Variants in APAF1 observed in about 807,000 individuals in gnomAD.
APAF1 encodes the protein apoptotic protease-activating factor 1.
A neutral mutation model predicts 152.4 loss-of-function variants in APAF1; 91 were observed. The observed-to-expected ratio is 0.60, with a 90% CI of 0.50 to 0.71. APAF1 has a LOEUF of 0.71. APAF1 is among the 30% of genes least tolerant of loss of function. APAF1 has a pLI of 0.00. For missense variants in APAF1, 1,283 were observed against 1,472.0 expected (o/e 0.87, Z 2.10); for synonymous variants, 484 against 494.1 (o/e 0.98, Z 0.27).
rs187065429 is a variant in APAF1, at chr12:98,717,115, G to A, written c.3084+1563G>A. Among the ~76,000 whole-genome samples the A allele has an allele frequency of 6.0e-3, 915 of 151,844 alleles. 29 individuals carry two copies. Among genetic ancestry groups the A allele is most frequent in the Admixed American group, 0.044 (668 of 15,252 alleles). On this transcript the variant is annotated intron_variant, in intron 22 of 26. Transcript: ENST00000551964. The stretch of plus-strand genomic sequence containing the variant: ...GAACTCCTGACCTTGTGATCCGCCC[G>A]CCTCGGCCTCCCAAAGTGCTGGGAT...
intron 16 of APAF1, among the ~76,000 whole-genome samples, chr12:98,694,492 A>G (rs1027348177): frequency 1.3e-5 from 2 of 151,786 alleles, no homozygotes; most frequent in Admixed American, 6.6e-5. Flanking sequence ...CATTTGCCCT[A>G]CTTTTTGAAA....
chr12:98,722,271 T>A (rs895500780), intron 22 of APAF1, among the ~76,000 whole-genome samples: 3 of 152,220 alleles, frequency 2.0e-5, no homozygotes, highest in Non-Finnish European at 4.4e-5. Context: ...TTTTTTTGAG[T>A]TTCACAGAAC....
intron 22 of APAF1, among the ~76,000 whole-genome samples, chr12:98,716,327 A>G (rs767557034): frequency 6.6e-6 from 1 of 152,148 alleles, no homozygotes; most frequent in African/African-American, 2.4e-5. Context: ...GTTCACAGAC[A>G]CTCATTTATC....
intron 16 of APAF1, among the ~76,000 whole-genome samples, chr12:98,690,432 C>G (rs1269522704): frequency 6.6e-6 from 1 of 152,106 alleles, no homozygotes; most frequent in Admixed American, 6.5e-5. Flanking sequence ...TTTAGGCAGC[C>G]CTCCTTTCAT....
intron 16 of APAF1, among the ~76,000 whole-genome samples, chr12:98,695,356 C>A (rs1038934785): frequency 1.3e-5 from 2 of 149,836 alleles, no homozygotes; most frequent in African/African-American, 5.0e-5. Context: ...CAATGCCGCC[C>A]CCCCCCTTTT....
At chr12:98,720,946 G>A (rs896563126) in intron 22 of APAF1, among the ~76,000 whole-genome samples, 8 of 151,242 alleles carry the variant, frequency 5.3e-5, no homozygotes, top group East Asian at 1.9e-4. Flanking sequence ...CAGCCTGGGC[G>A]ACAGAGCAAG....
intron 15 of APAF1, among the ~76,000 whole-genome samples, chr12:98,685,704 T>G (rs974151573): frequency 2.0e-5 from 3 of 152,078 alleles, no homozygotes; most frequent in African/African-American, 7.2e-5. Context: ...GGAGCGATCT[T>G]GGCTCATTGC....
In APAF1 at chr12:98,704,152, T is replaced by TGG. The variant is rs3214600; in HGVS notation, c.2595+657_2595+658dup. Among the ~76,000 whole-genome samples the TGG allele has an allele frequency of 6.5e-4, 99 of 151,744 alleles. No homozygotes were observed. In the South Asian group the frequency reaches 0.02, roughly 31 times the overall value. On this transcript the variant is annotated intron_variant, in intron 18 of 26. Coordinates refer to ENST00000551964, the MANE Select transcript of APAF1 (RefSeq NM_181861.2). ...TTTTTTTTTTGTTTTTTAATAGAAA[T>TGG]GGGGGTCTCACTGTGTTGCCCAGGC...
chr12:98,708,781 T>C, intron 20 of APAF1, 77 bp downstream of exon 20: 2 of 1,466,644 alleles, frequency 1.4e-6, no homozygotes. Flanking sequence ...GTTTTTGGAC[T>C]TGAGATTAAG....
At chr12:98,669,711 A>G (rs1374870487) in intron 10 of APAF1, among the ~76,000 whole-genome samples, 3 of 152,154 alleles carry the variant, frequency 2.0e-5, no homozygotes, top group Non-Finnish European at 4.4e-5. Context: ...ATACTTTTTT[A>G]TAAGTGGAAT....
chr12:98,684,507 C>A (rs1353462376), intron 15 of APAF1, among the ~76,000 whole-genome samples: 1 of 147,410 alleles, frequency 6.8e-6, no homozygotes, highest in Non-Finnish European at 1.5e-5. Context: ...CTCCTCCCCC[C>A]ACCCCCCCTC....
At chr12:98,727,715 C>G (rs1171091891) in intron 26 of APAF1, among the ~76,000 whole-genome samples, 1 of 151,932 alleles carries the variant, frequency 6.6e-6, no homozygotes, top group South Asian at 2.1e-4. Context: ...CCAAGGTGGG[C>G]GGATCACCTG....
chr12:98,713,274 C>T (rs890909228), intron 21 of APAF1, among the ~76,000 whole-genome samples: 1 of 152,150 alleles, frequency 6.6e-6, no homozygotes, highest in African/African-American at 2.4e-5. Flanking sequence ...TTATTCTCTA[C>T]TTAGTTGTTT....
rs1355633438 is a variant in APAF1 at position 98,725,388 on chromosome 12, T to C, written c.3331-27T>C. On this transcript the variant is annotated intron_variant, in intron 24 of 26. Coordinates refer to ENST00000551964, the MANE Select transcript of APAF1 (RefSeq NM_181861.2). ...TGCTTATTTTGAGTGTTTATAGCAT[T>C]GCTAAACAATCCTAATTGCCTTCCA... 1.9e-6 allele frequency: 3 copies of C among 1,613,754 alleles called. No homozygotes were observed. In the African/African-American group the frequency reaches 4.0e-5, roughly 22 times the overall value.
At chr12:98,728,549 A>C (rs1029940503) in intron 26 of APAF1, among the ~76,000 whole-genome samples, 1 of 134,282 alleles carries the variant, frequency 7.4e-6, no homozygotes, top group Non-Finnish European at 1.6e-5. Context: ...GCAAAACGCC[A>C]TCTCTGCTAA....
intron 19 of APAF1, 76 bp downstream of exon 19, chr12:98,706,686 G>T: frequency 6.5e-7 from 1 of 1,547,748 alleles, no homozygotes; most frequent in Non-Finnish European, 8.9e-7. Context: ...AGAAATTGAT[G>T]GGTAGCACTG....
At chr12:98,710,187 T>G (rs1593098055) in intron 20 of APAF1, among the ~76,000 whole-genome samples, 1 of 151,370 alleles carries the variant, frequency 6.6e-6, no homozygotes, top group East Asian at 1.9e-4. Context: ...GGGTTTTTTT[T>G]TTTTTTTTTT....
intron 16 of APAF1, among the ~76,000 whole-genome samples, chr12:98,690,505 A>G (rs920900023): frequency 2.0e-5 from 3 of 152,144 alleles, no homozygotes; most frequent in Non-Finnish European, 4.4e-5. Flanking sequence ...GGCATTTTAT[A>G]TTTTAAGTTT....
intron 4 of APAF1, among the ~76,000 whole-genome samples, chr12:98,658,378 C>T (rs563532576): frequency 4.4e-4 from 67 of 152,286 alleles, no homozygotes; most frequent in African/African-American, 1.5e-3. Flanking sequence ...TGGTAAGTTG[C>T]TCTCAGATCC....
Sources: allele counts gnomAD v4.1 joint callset (sites outside exome capture counted in the v4.1 genomes callset), GRCh38; gene constraint gnomAD v4.1.1; transcripts MANE v1.5; gene names NCBI Gene and HGNC (gene_info 2026-07-23, HGNC 2026-07-21).